CDH18: variants seen among roughly 807,000 people sequenced by gnomAD.
The protein encoded by CDH18 is cadherin-18.
Under a neutral mutation model 67.9 loss-of-function variants are expected in CDH18, and 31 were observed. That is an observed-to-expected ratio of 0.46 (90% CI 0.34 to 0.62). The LOEUF (loss-of-function observed/expected upper bound fraction) is 0.62. CDH18 is among the 20% of genes least tolerant of loss of function. The pLI, the probability that CDH18 is intolerant of heterozygous loss-of-function variation, is 0.01. For missense variants in CDH18, 890 were observed against 975.5 expected (o/e 0.91, Z 1.17); for synonymous variants, 362 against 347.2 (o/e 1.04, Z -0.48).
At chr5:19,905,722 G>T (rs540081961) in intron 2 of CDH18, among the ~76,000 whole-genome samples, 11 of 151,832 alleles carry the variant, frequency 7.2e-5, no homozygotes, top group Admixed American at 3.9e-4. Context: ...CATAGAGCAC[G>T]TGAGTCTCAG....
chr5:19,934,912 A>G (rs1210295823), intron 2 of CDH18, among the ~76,000 whole-genome samples: 1 of 151,340 alleles, frequency 6.6e-6, no homozygotes, highest in Non-Finnish European at 1.5e-5. Flanking sequence ...CCAGATAAAA[A>G]GAGGAGAGGA....
intron 1 of CDH18, among the ~76,000 whole-genome samples, chr5:20,445,603 A>G (rs1749940905): frequency 6.6e-6 from 1 of 152,196 alleles, no homozygotes; most frequent in Non-Finnish European, 1.5e-5. Flanking sequence ...TGAAATTTCT[A>G]AGACGACTTG....
At chr5:19,939,423 T>C (rs28725450) in intron 2 of CDH18, among the ~76,000 whole-genome samples, 16,330 of 151,724 alleles carry the variant, frequency 0.11, 2,520 homozygotes, top group African/African-American at 0.34. Context: ...TATACTTATT[T>C]AATTTCTAAA....
chr5:19,737,194 T>C (rs1768456589), intron 4 of CDH18, among the ~76,000 whole-genome samples: 1 of 152,284 alleles, frequency 6.6e-6, no homozygotes, highest in East Asian at 1.9e-4. Context: ...TACCTGACCA[T>C]TGTGCATTCA....
intron 6 of CDH18, among the ~76,000 whole-genome samples, chr5:19,605,652 T>C (rs938714461): frequency 2.6e-5 from 4 of 152,102 alleles, no homozygotes; most frequent in African/African-American, 9.7e-5. Flanking sequence ...AGAAAATGAC[T>C]GTTTTAAGGC....
intron 2 of CDH18, among the ~76,000 whole-genome samples, chr5:19,906,263 A>G (rs2150126116): frequency 6.6e-6 from 1 of 152,094 alleles, no homozygotes; most frequent in Non-Finnish European, 1.5e-5. Flanking sequence ...AATTTTAAAA[A>G]GGAGCCTTCG....
intron 5 of CDH18, among the ~76,000 whole-genome samples, chr5:19,663,421 T>G (rs879809567): frequency 2.0e-5 from 3 of 151,968 alleles, no homozygotes; most frequent in Non-Finnish European, 2.9e-5. Context: ...ATATGGAAAT[T>G]CATTGAGAGT....
intron 2 of CDH18, among the ~76,000 whole-genome samples, chr5:19,857,633 T>A (rs1784451322): frequency 6.6e-6 from 1 of 152,090 alleles, no homozygotes; most frequent in Non-Finnish European, 1.5e-5. Flanking sequence ...TAACACTGCA[T>A]TGTGAATCAT....
intron 3 of CDH18, among the ~76,000 whole-genome samples, chr5:19,757,277 C>A (rs1771732813): frequency 6.6e-6 from 1 of 152,168 alleles, no homozygotes; most frequent in Non-Finnish European, 1.5e-5. Context: ...CCAGTGAAGA[C>A]CAACCTCTGA....
At chr5:19,873,441 T>A (rs944347897) in intron 2 of CDH18, among the ~76,000 whole-genome samples, 9 of 151,768 alleles carry the variant, frequency 5.9e-5, no homozygotes, top group Non-Finnish European at 1.0e-4. Context: ...AAATATAATA[T>A]AAAAATAATG....
At chr5:19,980,764 C>T (rs1283172196) in intron 2 of CDH18, among the ~76,000 whole-genome samples, 1 of 152,152 alleles carries the variant, frequency 6.6e-6, no homozygotes, top group African/African-American at 2.4e-5. Context: ...ACAAAGCTCT[C>T]CCTGCAACGC....
rs560397603 is a variant in CDH18 at position 19,680,815 on chromosome 5, G to T, written c.643+40532C>A. 9.3e-4 allele frequency among the ~76,000 whole-genome samples: 141 copies of T among 152,090 alleles called. 2 individuals are homozygous for T. Among genetic ancestry groups the T allele is most frequent in the Middle Eastern group, 3.4e-3 (1 of 294 alleles). On this transcript the variant is annotated intron_variant, in intron 5 of 12. Transcript: ENST00000382275. ...GAATGCTTACACGCACTGCTGCTGG[G>T]AATGTGAATTAGTTTGGCCATTGCG...
intron 10 of CDH18, among the ~76,000 whole-genome samples, chr5:19,511,982 T>C (rs1056491783): frequency 6.6e-6 from 1 of 152,050 alleles, no homozygotes; most frequent in South Asian, 2.1e-4. Context: ...CCTAGAGGCC[T>C]AGGAGGAAAA....
At chr5:20,306,467 A>G (rs962082890) in intron 1 of CDH18, among the ~76,000 whole-genome samples, 1 of 152,158 alleles carries the variant, frequency 6.6e-6, no homozygotes, top group African/African-American at 2.4e-5. Context: ...GTAATCTACC[A>G]TCCTTCCCTA....
At chr5:20,095,589 G>GAAGAAATAAAGAAAGA (rs1554089717) in intron 2 of CDH18, among the ~76,000 whole-genome samples, 2 of 141,744 alleles carry the variant, frequency 1.4e-5, no homozygotes, top group Non-Finnish European at 3.0e-5. Flanking sequence ...AGGAAGAAAG[G>GAAGAAATAAAGAAAGA]AAGAAAGAAG....
At chr5:19,530,536 A>C (rs886319575) in intron 9 of CDH18, among the ~76,000 whole-genome samples, 13 of 152,000 alleles carry the variant, frequency 8.6e-5, no homozygotes, top group South Asian at 2.1e-4. Context: ...GCACCCATTA[A>C]CTCGTCATTT....
At chr5:19,613,768 T>C (rs945197511) in intron 5 of CDH18, among the ~76,000 whole-genome samples, 1 of 152,180 alleles carries the variant, frequency 6.6e-6, no homozygotes, top group African/African-American at 2.4e-5. Flanking sequence ...AACTATGCCA[T>C]AACATAGAAT....
At chr5:20,546,880 C>A (rs1438928714) in intron 1 of CDH18, among the ~76,000 whole-genome samples, 1 of 152,048 alleles carries the variant, frequency 6.6e-6, no homozygotes, top group African/African-American at 2.4e-5. Flanking sequence ...CTTGCAAATA[C>A]AATATTTTGC....
intron 9 of CDH18, among the ~76,000 whole-genome samples, chr5:19,529,119 T>C (rs943993841): frequency 9.2e-5 from 14 of 151,900 alleles, no homozygotes; most frequent in Non-Finnish European, 1.3e-4. Flanking sequence ...GAGACTTACA[T>C]AATCTGAGCC....
Sources: gnomAD v4.1 joint callset for allele counts (sites outside exome capture counted in the v4.1 genomes callset) on GRCh38, gnomAD v4.1.1 for gene constraint, MANE v1.5 for transcripts, NCBI Gene and HGNC (gene_info 2026-07-23, HGNC 2026-07-21) for gene names.